TNS1: variants seen among roughly 807,000 people sequenced by gnomAD.
TNS1 encodes tensin-1.
In TNS1, 62 loss-of-function variants were observed where a neutral mutation model predicts 168.6. That is an observed-to-expected ratio of 0.37 (90% CI 0.30 to 0.45). TNS1 has a LOEUF of 0.45. TNS1 is among the 20% of genes least tolerant of loss of function. TNS1 has a pLI of 1.00. For synonymous variants in TNS1, 934 were observed against 933.2 expected (o/e 1.00, Z -0.02); for missense variants, 2,240 against 2,339.4 (o/e 0.96, Z 0.88).
intron 18 of TNS1, among the ~76,000 whole-genome samples, chr2:217,852,683 A>G (rs1365756498): frequency 6.6e-6 from 1 of 152,194 alleles, no homozygotes; most frequent in Non-Finnish European, 1.5e-5. Flanking sequence ...CTCAGCATCG[A>G]TTTTGAAAAT....
At chr2:217,922,896 C>CCCCCTG (rs1955805105) in intron 3 of TNS1, among the ~76,000 whole-genome samples, 1 of 152,226 alleles carries the variant, frequency 6.6e-6, no homozygotes, top group Non-Finnish European at 1.5e-5. Flanking sequence ...GGCCGGCCAG[C>CCCCCTG]CCACTGACTT....
chr2:217,847,781 G>C lies in TNS1; in HGVS notation c.2736C>G (p.Val912=), dbSNP rs755365272. 6.2e-7 allele frequency: 1 copy of C among 1,607,844 alleles called. No individual in the cohort carries two copies. Among genetic ancestry groups the C allele is most frequent in the South Asian group, 1.1e-5 (1 of 90,950 alleles). The change falls in exon 19 of 33, where the codon GTC becomes GTG. Residue 912 remains valine (V), a synonymous_variant. Transcript: ENST00000682258. ...EPAPRASLES[V]PPGRSYSPYD... ...AAGGTGAGTAAGACCTGCCAGGAGG[G>C]ACAGACTCCAGAGAGGCCCGTGGGG...
At chr2:217,980,268 C>G (rs547728266) in intron 2 of TNS1, among the ~76,000 whole-genome samples, 1 of 152,282 alleles carries the variant, frequency 6.6e-6, no homozygotes, top group African/African-American at 2.4e-5. Flanking sequence ...GCAGGACATA[C>G]TCCCCACTCA....
intron 27 of TNS1, among the ~76,000 whole-genome samples, chr2:217,812,900 TG>T (rs1941220505): frequency 6.6e-6 from 1 of 152,120 alleles, no homozygotes; most frequent in African/African-American, 2.4e-5. Flanking sequence ...TGAGGCCAGA[TG>T]TGATAGAAGG....
In TNS1 at chr2:217,802,755, A is replaced by G. The variant is rs1283658419; in HGVS notation, c.*1704T>C. ...CAATAAAGCAATATGGAAAAACAAT[A>G]AATACTTCTTGTCAATTTACCTATT... On this transcript the variant is annotated 3_prime_UTR_variant, in exon 33 of 33. Coordinates refer to ENST00000682258, the MANE Select transcript of TNS1 (RefSeq NM_001387777.1). 1 of 152,690 alleles carries G rather than the reference A, an allele frequency of 6.5e-6. No individual in the cohort carries two copies. The highest frequency in any genetic ancestry group is 1.5e-5 in the Non-Finnish European group (1 of 68,048). The allele number at this position is 152,690 out of a possible 1,614,324, so 9.5% of individuals were successfully genotyped here. A position where few individuals can be genotyped will look rare whatever the true frequency, so the allele number is the denominator to read the frequency against.
At chr2:217,982,435 G>A (rs945750899) in intron 2 of TNS1, among the ~76,000 whole-genome samples, 3 of 134,186 alleles carry the variant, frequency 2.2e-5, no homozygotes, top group African/African-American at 8.7e-5. Flanking sequence ...GTCTTGCTCT[G>A]CTCTGTCACC....
At chr2:218,002,049 G>C (rs986172215) in intron 1 of TNS1, among the ~76,000 whole-genome samples, 33 of 152,264 alleles carry the variant, frequency 2.2e-4, no homozygotes, top group Admixed American at 1.3e-3. Context: ...CTCCTCCTCT[G>C]ACCCCCAGCC....
chr2:217,920,128 G>A (rs1197533142), intron 4 of TNS1, 67 bp downstream of exon 4: 5 of 702,734 alleles, frequency 7.1e-6, no homozygotes, highest in Non-Finnish European at 1.3e-5. Context: ...TCTAAAGAAA[G>A]CTGCAGCTGG....
intron 22 of TNS1, among the ~76,000 whole-genome samples, chr2:217,828,373 G>T (rs1225301774): frequency 6.6e-6 from 1 of 152,224 alleles, no homozygotes; most frequent in Non-Finnish European, 1.5e-5. Context: ...CCCCGCTTAG[G>T]GGGTGGAAAA....
At chr2:217,888,742 G>C (rs529602508) in intron 12 of TNS1, among the ~76,000 whole-genome samples, 1 of 152,204 alleles carries the variant, frequency 6.6e-6, no homozygotes, top group African/African-American at 2.4e-5. Flanking sequence ...TTCACCTTCC[G>C]CCATGATTGT....
chr2:217,809,741 G>A, intron 30 of TNS1, 82 bp downstream of exon 30: 1 of 1,418,148 alleles, frequency 7.1e-7, no homozygotes, highest in Non-Finnish European at 9.7e-7. Context: ...AATCAATCAA[G>A]TGGTAAATGT....
chr2:218,017,124 G>A (rs984527999), intron 1 of TNS1, among the ~76,000 whole-genome samples: 3 of 152,094 alleles, frequency 2.0e-5, no homozygotes, highest in African/African-American at 7.2e-5. Context: ...TGGGGAGTAT[G>A]GACTGAGACC....
At chr2:217,849,174 G>T (rs1947128539) in intron 18 of TNS1, 87 bp from the exon 19 acceptor site, 3 of 1,479,252 alleles carry the variant, frequency 2.0e-6, no homozygotes, top group Admixed American at 4.0e-5. Context: ...AGAGAAAGAA[G>T]CTAAGAGCTC....
chr2:217,925,169 T>G (rs1442757726), intron 3 of TNS1, among the ~76,000 whole-genome samples: 1 of 152,248 alleles, frequency 6.6e-6, no homozygotes, highest in Non-Finnish European at 1.5e-5. Flanking sequence ...TCTGTCGTGT[T>G]TTTACATGTT....
intron 2 of TNS1, among the ~76,000 whole-genome samples, chr2:217,982,707 T>A (rs1438167230): frequency 6.6e-6 from 1 of 151,450 alleles, no homozygotes; most frequent in Non-Finnish European, 1.5e-5. Flanking sequence ...CAGCCTGTAT[T>A]TATTTTAAAC....
At chr2:217,939,516 C>A (rs562724744) in intron 3 of TNS1, among the ~76,000 whole-genome samples, 10 of 152,214 alleles carry the variant, frequency 6.6e-5, no homozygotes, top group Non-Finnish European at 1.5e-5. Flanking sequence ...GATCACAGAA[C>A]GCTGTGGGGT....
intron 2 of TNS1, among the ~76,000 whole-genome samples, chr2:217,987,908 C>G (rs1429537310): frequency 6.6e-6 from 1 of 152,188 alleles, no homozygotes; most frequent in Non-Finnish European, 1.5e-5. Flanking sequence ...AACTATCAAC[C>G]TCATGCCATC....
At chr2:217,922,197 TG>T (rs1287599415) in intron 3 of TNS1, among the ~76,000 whole-genome samples, 1 of 152,170 alleles carries the variant, frequency 6.6e-6, no homozygotes, top group Non-Finnish European at 1.5e-5. Context: ...GAGCTGGCTG[TG>T]GCCTGCAGGG....
chr2:218,011,865 G>A (rs541791326), upstream of TNS1, among the ~76,000 whole-genome samples: 23 of 152,210 alleles, frequency 1.5e-4, no homozygotes, highest in East Asian at 2.9e-3. Flanking sequence ...AGACATTAGG[G>A]GCCCTCATCC....
Sources: gnomAD v4.1 joint callset for allele counts (sites outside exome capture counted in the v4.1 genomes callset) on GRCh38, gnomAD v4.1.1 for gene constraint, MANE v1.5 for transcripts, NCBI Gene and HGNC (gene_info 2026-07-23, HGNC 2026-07-21) for gene names.